NGEF: variants seen among roughly 807,000 people sequenced by gnomAD.
The protein encoded by NGEF is neuronal guanine nucleotide exchange factor, also known as ephexin-1.
A neutral mutation model predicts 80.9 loss-of-function variants in NGEF; 31 were observed. The ratio of observed to expected loss-of-function variants is 0.38; its 90% CI spans 0.29 to 0.52. The LOEUF (loss-of-function observed/expected upper bound fraction) is 0.52, where lower values mean the gene tolerates loss of function less well. Among genes scored for constraint, NGEF ranks in the 20% least tolerant of loss-of-function variants. The pLI is 0.84. For synonymous variants in NGEF, 371 were observed against 370.2 expected (o/e 1.00, Z -0.03); for missense variants, 709 against 926.2 (o/e 0.77, Z 3.04).
intron 3 of NGEF, among the ~76,000 whole-genome samples, chr2:232,939,529 G>T (rs1316690411): frequency 6.6e-6 from 1 of 152,228 alleles, no homozygotes; most frequent in African/African-American, 2.4e-5. Flanking sequence ...TTAATAATAA[G>T]AAATTGTTCC....
rs1179481024 is a variant in NGEF, at chr2:232,932,417, G to A, written c.384-5231C>T. 3.3e-5 allele frequency among the ~76,000 whole-genome samples: 5 copies of A among 151,854 alleles called. No homozygotes were observed. The East Asian group carries it at 7.7e-4, about 24-fold the overall frequency. On this transcript the variant is annotated intron_variant, in intron 3 of 14. Coordinates refer to ENST00000264051, the MANE Select transcript of NGEF (RefSeq NM_019850.3). ...CCTGACCTCGTGATCCACCCGACTC[G>A]GCCTCCCAAAGTGCTGGGATTACAG...
At chr2:232,909,518 AAC>A (rs1199794990) in intron 5 of NGEF, among the ~76,000 whole-genome samples, 1 of 152,182 alleles carries the variant, frequency 6.6e-6, no homozygotes, top group African/African-American at 2.4e-5. Flanking sequence ...TGTTAGGTCA[AAC>A]ACAATAAAAT....
chr2:232,956,532 C>T (rs1319199843), intron 3 of NGEF, among the ~76,000 whole-genome samples: 12 of 151,992 alleles, frequency 7.9e-5, no homozygotes, highest in Non-Finnish European at 1.8e-4. Context: ...CTTTGGGAGG[C>T]CGAGGTGGGC....
chr2:232,880,775 T>TCTGGGTCAGGTCAGGGTCAGGG (rs1162477365), intron 14 of NGEF, among the ~76,000 whole-genome samples: 11 of 152,008 alleles, frequency 7.2e-5, no homozygotes, highest in Non-Finnish European at 1.5e-5. Context: ...CAAGTACAGG[T>TCTGGGTCAGGTCAGGGTCAGGG]CTGGGTCAGG....
chr2:232,903,205 C>T (rs1208657182), intron 5 of NGEF, among the ~76,000 whole-genome samples: 1 of 152,188 alleles, frequency 6.6e-6, no homozygotes, highest in African/African-American at 2.4e-5. Flanking sequence ...CTTAGCATTC[C>T]ACTGTGTAGA....
Position 232,891,045 on chromosome 2 carries a change from G to A in NGEF, c.1272+313C>T, listed in dbSNP as rs561076808. 1.9e-3 allele frequency: 950 copies of A among 509,258 alleles called. 4 individuals are homozygous for A. Among genetic ancestry groups the A allele is most frequent in the Non-Finnish European group, 3.0e-3 (757 of 252,270 alleles). The allele number at this position is 509,258 out of a possible 1,614,324, so 31.5% of individuals were successfully genotyped here. ...AGCCAGGTCTCAGCTTACACGTCAC[G>A]TGTCTTTCCTGACCCGCCCCCATCG... On this transcript the variant is annotated intron_variant, in intron 8 of 14. Coordinates refer to ENST00000264051, the MANE Select transcript of NGEF (RefSeq NM_019850.3).
chr2:232,964,156 C>A (rs1352475361), intron 3 of NGEF, among the ~76,000 whole-genome samples: 1 of 152,114 alleles, frequency 6.6e-6, no homozygotes, highest in East Asian at 1.9e-4. Flanking sequence ...TAAAACAGTA[C>A]AACCATTTTG....
At chr2:232,962,371 T>C (rs1459839757) in intron 3 of NGEF, among the ~76,000 whole-genome samples, 1 of 152,044 alleles carries the variant, frequency 6.6e-6, no homozygotes, top group Admixed American at 6.6e-5. Context: ...ACCCTGTCTC[T>C]ACTAAAAATA....
intron 3 of NGEF, among the ~76,000 whole-genome samples, chr2:232,966,661 C>G (rs939834776): frequency 6.6e-6 from 1 of 152,184 alleles, no homozygotes; most frequent in Non-Finnish European, 1.5e-5. Context: ...CTCCCCCTTT[C>G]ATCTAGTGTT....
chr2:232,929,611 C>G (rs551350098), intron 3 of NGEF, among the ~76,000 whole-genome samples: 125 of 152,308 alleles, frequency 8.2e-4, no homozygotes, highest in Admixed American at 2.2e-3. Context: ...TGGTCTTTTC[C>G]CAAGCCAAGC....
chr2:232,970,604 A>G (rs1423191162), intron 2 of NGEF, among the ~76,000 whole-genome samples: 1 of 152,050 alleles, frequency 6.6e-6, no homozygotes, highest in East Asian at 1.9e-4. Context: ...CAAGGTGGGC[A>G]GATCACCTGA....
intron 3 of NGEF, among the ~76,000 whole-genome samples, chr2:232,938,703 G>A (rs111296863): frequency 7.6e-6 from 1 of 132,172 alleles, no homozygotes; most frequent in South Asian, 2.5e-4. Context: ...CCAGGAGTTC[G>A]AGAGCAACCT....
rs747022754 is a variant in NGEF at position 232,920,270 on chromosome 2, T to G, written c.828+14A>C. On this transcript the variant is annotated intron_variant, in intron 5 of 14. Transcript: ENST00000264051. The stretch of plus-strand genomic sequence containing the variant: ...TGTGCTGTGGGGGAGCCCCCGCCCC[T>G]CGGCGCCTGTTACCTCCTGCAGCTT... The G allele has an allele frequency of 1.2e-6, 2 of 1,605,510 alleles. No individual in the cohort carries two copies.
chr2:232,892,241 C>A lies in NGEF; in HGVS notation c.1142+657G>T, dbSNP rs1691906818. On this transcript the variant is annotated intron_variant, in intron 7 of 14. Transcript: ENST00000264051. This position sits in a 1 kb window ranked among gnomAD's most constrained non-coding sequence, Gnocchi z 4.0. ...AGGCTTGAAACGTGCACCATGAACT[C>A]CATGTCTTGGTGGAAAAGCCAGTGA... Among the ~76,000 whole-genome samples the A allele has an allele frequency of 6.6e-6, 1 of 152,146 alleles. No individual in the cohort carries two copies. The highest frequency in any genetic ancestry group is 1.5e-5 in the Non-Finnish European group (1 of 68,042).
At chr2:233,003,993 C>T (rs1559244980) in intron 1 of NGEF, among the ~76,000 whole-genome samples, 1 of 152,178 alleles carries the variant, frequency 6.6e-6, no homozygotes. Context: ...GACCTCCTTG[C>T]CTGGGTGAGG....
At chr2:232,940,459 G>A (rs1693415033) in intron 3 of NGEF, among the ~76,000 whole-genome samples, 1 of 152,132 alleles carries the variant, frequency 6.6e-6, no homozygotes, top group Non-Finnish European at 1.5e-5. Context: ...ATCTGCAAAT[G>A]CTCCACACTC....
chr2:232,943,540 G>A (rs977775020), intron 3 of NGEF, among the ~76,000 whole-genome samples: 2 of 130,054 alleles, frequency 1.5e-5, no homozygotes, highest in African/African-American at 5.6e-5. Flanking sequence ...CTGTCGCCCA[G>A]GCTGGAGTGC....
At chr2:232,956,587 C>T (rs937196214) in intron 3 of NGEF, among the ~76,000 whole-genome samples, 7 of 151,700 alleles carry the variant, frequency 4.6e-5, no homozygotes, top group African/African-American at 4.8e-5. Context: ...GCCAACATGG[C>T]GAAACTCCGT....
chr2:232,991,559 C>G (rs1276206100), intron 1 of NGEF, among the ~76,000 whole-genome samples: 1 of 151,850 alleles, frequency 6.6e-6, no homozygotes, highest in Non-Finnish European at 1.5e-5. Flanking sequence ...CATTTAGATG[C>G]TGAAACTACA....
Sources: gnomAD v4.1 joint callset for allele counts (sites outside exome capture counted in the v4.1 genomes callset) on GRCh38, gnomAD v4.1.1 for gene constraint, Gnocchi (gnomAD v3.1) non-coding constraint, MANE v1.5 for transcripts, NCBI Gene and HGNC (gene_info 2026-07-23, HGNC 2026-07-21) for gene names.